Variants in RANBP2 observed in about 807,000 individuals in gnomAD.
The protein encoded by RANBP2 is E3 SUMO-protein ligase RanBP2.
Under a neutral mutation model 303.6 loss-of-function variants are expected in RANBP2, and 57 were observed. That is an observed-to-expected ratio of 0.19 (90% CI 0.15 to 0.23). RANBP2 has a LOEUF of 0.23. RANBP2 is among the 10% of genes least tolerant of loss of function. The pLI is 1.00. For missense variants in RANBP2, 3,138 were observed against 3,780.8 expected, an observed-to-expected ratio of 0.83 and a Z score of 4.46; for synonymous variants, 1,167 against 1,301.5, an observed-to-expected ratio of 0.90 and a Z score of 2.23.
the RANBP2 span, among the ~76,000 whole-genome samples, chr2:108,798,824 C>CAT: frequency 7.5e-6 from 1 of 133,556 alleles, no homozygotes; most frequent in Non-Finnish European, 1.5e-5. Context: ...CCTACACACA[C>CAT]ACACACACAC....
chr2:108,894,314 T>TAAC, the RANBP2 span, among the ~76,000 whole-genome samples: 823 of 152,230 alleles, frequency 5.4e-3, 2 homozygotes, highest in Middle Eastern at 0.01. Flanking sequence ...TCCCAGGCCA[T>TAAC]AACATTTTAG....
At chr2:109,042,705 T>A in the RANBP2 span, among the ~76,000 whole-genome samples, 3 of 152,216 alleles carry the variant, frequency 2.0e-5, no homozygotes, top group Admixed American at 1.3e-4. Context: ...TTTCTGGATG[T>A]CCCAGGAGGG....
the RANBP2 span, among the ~76,000 whole-genome samples, chr2:109,696,306 T>C: frequency 6.6e-6 from 1 of 152,216 alleles, no homozygotes; most frequent in Admixed American, 6.5e-5. Context: ...AGAAATTATA[T>C]AGTTTTATAT....
the RANBP2 span, among the ~76,000 whole-genome samples, chr2:109,523,129 C>A: frequency 6.6e-6 from 1 of 152,144 alleles, no homozygotes; most frequent in Non-Finnish European, 1.5e-5. Flanking sequence ...AGAGTAGATG[C>A]GGCTGATGGC....
In RANBP2 at chr2:108,777,167, C is replaced by T; in HGVS notation, c.8535C>T (p.Ser2845=). The change falls in exon 25 of 29, where the codon AGC becomes AGT. Residue 2845 remains serine, a synonymous_variant. Transcript: ENST00000283195. ...TAGTTTCATTTGGATTTGGAAGTAG[C>T]ACAGGGCTCTCATTTGCAGACTTGG... ...SKIVSFGFGS[S]TGLSFADLAS... 6.2e-7 allele frequency: 1 copy of T among 1,613,490 alleles called. No individual in the cohort carries two copies. The highest frequency in any genetic ancestry group is 1.7e-5 in the Admixed American group (1 of 60,012).
At chr2:109,397,891 G>A in the RANBP2 span, among the ~76,000 whole-genome samples, 943 of 152,316 alleles carry the variant, frequency 6.2e-3, 13 homozygotes, top group African/African-American at 0.021. Context: ...TCTTCACTGC[G>A]CACAACGCCT....
At chr2:109,182,179 A>G in the RANBP2 span, among the ~76,000 whole-genome samples, 1 of 152,132 alleles carries the variant, frequency 6.6e-6, no homozygotes, top group Non-Finnish European at 1.5e-5. Flanking sequence ...TATAAACAAT[A>G]GAAGTGTATT....
the RANBP2 span, among the ~76,000 whole-genome samples, chr2:109,438,755 T>G: frequency 6.6e-6 from 1 of 152,282 alleles, no homozygotes; most frequent in East Asian, 1.9e-4. Flanking sequence ...GTCATTGCAG[T>G]TGGCAAGTGA....
At chr2:109,002,795 T>A in the RANBP2 span, among the ~76,000 whole-genome samples, 1 of 152,230 alleles carries the variant, frequency 6.6e-6, no homozygotes, top group Non-Finnish European at 1.5e-5. Flanking sequence ...ACTCACAGTT[T>A]GCAGAAAGCT....
At chr2:109,073,342 T>C in the RANBP2 span, among the ~76,000 whole-genome samples, 7 of 152,118 alleles carry the variant, frequency 4.6e-5, no homozygotes, top group Non-Finnish European at 8.8e-5. Flanking sequence ...GGACTGGTCA[T>C]TGGCAATCAT....
the RANBP2 span, among the ~76,000 whole-genome samples, chr2:109,010,324 C>T: frequency 6.6e-6 from 1 of 150,910 alleles, no homozygotes; most frequent in Admixed American, 6.6e-5. Context: ...CCCACCCCCA[C>T]CCCCCCAGCC....
chr2:108,985,396 A>G, the RANBP2 span, among the ~76,000 whole-genome samples: 1 of 152,210 alleles, frequency 6.6e-6, no homozygotes, highest in Non-Finnish European at 1.5e-5. Flanking sequence ...CCGTGAAGTG[A>G]GTTAAGCTGG....
the RANBP2 span, among the ~76,000 whole-genome samples, chr2:109,400,288 C>A: frequency 6.6e-6 from 1 of 152,076 alleles, no homozygotes; most frequent in Admixed American, 6.5e-5. Flanking sequence ...TGCACTCCCA[C>A]GCACATGTGC....
chr2:109,308,869 C>T, the RANBP2 span, among the ~76,000 whole-genome samples: 1 of 72,826 alleles, frequency 1.4e-5, no homozygotes. Context: ...ATGCCTCCAG[C>T]TTTGTTCTTT....
chr2:109,443,059 A>G, the RANBP2 span, among the ~76,000 whole-genome samples: 5 of 152,270 alleles, frequency 3.3e-5, no homozygotes, highest in Admixed American at 3.3e-4. Flanking sequence ...TGGTAGTTAC[A>G]TTCTATGAAG....
intron 23 of RANBP2, among the ~76,000 whole-genome samples, chr2:108,775,196 A>G (rs112845583): frequency 2.6e-5 from 4 of 152,176 alleles, no homozygotes; most frequent in African/African-American, 7.2e-5. Flanking sequence ...GTTAGATGCT[A>G]CTGTGCCATT....
the RANBP2 span, among the ~76,000 whole-genome samples, chr2:109,176,897 G>A: frequency 1.3e-5 from 2 of 152,208 alleles, no homozygotes; most frequent in Non-Finnish European, 2.9e-5. Flanking sequence ...CTGAAGGATA[G>A]GGATGCATTT....
chr2:108,880,750 T>C, the RANBP2 span, among the ~76,000 whole-genome samples: 4 of 151,810 alleles, frequency 2.6e-5, no homozygotes, highest in African/African-American at 7.3e-5. Context: ...ACTGCTCAGA[T>C]AAAAAAAAGA....
chr2:109,609,310 A>ATATGAG, the RANBP2 span, among the ~76,000 whole-genome samples: 22 of 150,962 alleles, frequency 1.5e-4, no homozygotes, highest in East Asian at 4.3e-3. Flanking sequence ...CCTCAAAGAT[A>ATATGAG]TATGAGTATG....
Sources: allele counts gnomAD v4.1 joint callset (sites outside exome capture counted in the v4.1 genomes callset), GRCh38; gene constraint gnomAD v4.1.1; transcripts MANE v1.5; gene names NCBI Gene and HGNC (gene_info 2026-07-23, HGNC 2026-07-21).